TMEM132D: variants seen among roughly 807,000 people sequenced by gnomAD.
The protein encoded by TMEM132D is mature OL transmembrane protein.
In TMEM132D, 21 loss-of-function variants were observed where a neutral mutation model predicts 62.3. The ratio of observed to expected loss-of-function variants is 0.34; its 90% CI spans 0.24 to 0.49. The LOEUF is 0.49. TMEM132D is among the 20% of genes least tolerant of loss of function. The pLI, the probability that TMEM132D is intolerant of heterozygous loss-of-function variation, is 0.99. For missense variants in TMEM132D, 1,346 were observed against 1,402.8 expected (o/e 0.96, Z 0.65); for synonymous variants, 621 against 575.6 (o/e 1.08, Z -1.13).
rs148612154 is a variant in TMEM132D at position 129,591,224 on chromosome 12, T to C, written c.969-60019A>G. ...CAGATCAAAAGGGTAGCCAATGGCA[T>C]ATCCTCATCATGGCTTCCAAAGATT... On this transcript the variant is annotated intron_variant, in intron 2 of 8. Transcript: ENST00000422113. Among the ~76,000 whole-genome samples the C allele has an allele frequency of 1.8e-3, 275 of 152,314 alleles. 2 individuals are homozygous for C. Among genetic ancestry groups the C allele is most frequent in the African/African-American group, 6.4e-3 (267 of 41,574 alleles).
intron 1 of TMEM132D, among the ~76,000 whole-genome samples, chr12:129,724,643 C>G (rs1868964339): frequency 6.6e-6 from 1 of 152,196 alleles, no homozygotes; most frequent in African/African-American, 2.4e-5. Flanking sequence ...CTGCCTCAGC[C>G]TCCTGAGTAG....
chr12:129,404,417 G>A (rs905084244), intron 3 of TMEM132D, among the ~76,000 whole-genome samples: 5 of 152,224 alleles, frequency 3.3e-5, no homozygotes, highest in East Asian at 1.9e-4. Context: ...GGCTGGTCTC[G>A]AACTCCTGAC....
At chr12:129,858,540 G>T (rs375451515) in intron 1 of TMEM132D, among the ~76,000 whole-genome samples, 2 of 39,896 alleles carry the variant, frequency 5.0e-5, no homozygotes, top group African/African-American at 2.0e-4. Flanking sequence ...GGGTGCCCTT[G>T]TAACAGAGTC....
At chr12:129,755,495 G>T (rs1486859258) in intron 1 of TMEM132D, among the ~76,000 whole-genome samples, 2 of 152,180 alleles carry the variant, frequency 1.3e-5, no homozygotes, top group Non-Finnish European at 2.9e-5. Flanking sequence ...GGTCCTGGGA[G>T]TGGGAGCCCC....
At chr12:129,216,883 G>A (rs1359511306) in intron 4 of TMEM132D, among the ~76,000 whole-genome samples, 2 of 152,164 alleles carry the variant, frequency 1.3e-5, no homozygotes, top group African/African-American at 2.4e-5. Context: ...CTTAACTGAT[G>A]CAACCTGAAA....
At chr12:129,412,724 G>A (rs1255943751) in intron 3 of TMEM132D, among the ~76,000 whole-genome samples, 1 of 152,066 alleles carries the variant, frequency 6.6e-6, no homozygotes, top group African/African-American at 2.4e-5. Context: ...GTGGTGGTGG[G>A]CACCTATAAT....
intron 1 of TMEM132D, among the ~76,000 whole-genome samples, chr12:129,803,496 A>C (rs1835874799): frequency 6.6e-6 from 1 of 152,058 alleles, no homozygotes; most frequent in Non-Finnish European, 1.5e-5. Flanking sequence ...ACCAACGAGA[A>C]GAAAGACACA....
chr12:129,677,831 C>CTTTTTTTTTTTT (rs869098260), intron 2 of TMEM132D, among the ~76,000 whole-genome samples: 1 of 117,620 alleles, frequency 8.5e-6, no homozygotes. Flanking sequence ...GTGATTTTGT[C>CTTTTTTTTTTTT]TTTTTTTTTT....
At chr12:129,632,918 CTT>C (rs1879384242) in intron 2 of TMEM132D, among the ~76,000 whole-genome samples, 2 of 150,176 alleles carry the variant, frequency 1.3e-5, no homozygotes, top group South Asian at 2.1e-4. Context: ...GCAGTCCTCT[CTT>C]TGCTTTGACT....
intron 1 of TMEM132D, among the ~76,000 whole-genome samples, chr12:129,781,028 G>A (rs147194567): frequency 6.6e-6 from 1 of 152,326 alleles, no homozygotes; most frequent in Non-Finnish European, 1.5e-5. Flanking sequence ...CTTGAGCTCT[G>A]TGGGCTCAAA....
chr12:129,553,460 T>G (rs1876960095), intron 2 of TMEM132D, among the ~76,000 whole-genome samples: 1 of 152,188 alleles, frequency 6.6e-6, no homozygotes, highest in Admixed American at 6.5e-5. Flanking sequence ...CGTTGTCACT[T>G]GGAAACACTG....
intron 4 of TMEM132D, among the ~76,000 whole-genome samples, chr12:129,267,169 G>GT (rs138179372): frequency 0.016 from 2,400 of 151,814 alleles, 29 homozygotes; most frequent in Middle Eastern, 0.027. Context: ...CCTGTTGAGG[G>GT]TTTTTTTTCT....
chr12:129,134,116 TTGTG>T (rs141367054), intron 5 of TMEM132D, among the ~76,000 whole-genome samples: 9 of 144,388 alleles, frequency 6.2e-5, no homozygotes, highest in African/African-American at 1.6e-4. Context: ...TGTCTGTGTG[TTGTG>T]TGTGTGTGTG....
chr12:129,788,749 C>A (rs1160178742), intron 1 of TMEM132D, among the ~76,000 whole-genome samples: 1 of 152,130 alleles, frequency 6.6e-6, no homozygotes, highest in African/African-American at 2.4e-5. Flanking sequence ...GAACAAGACA[C>A]TGGTCTCTGC....
At chr12:129,765,747 T>C (rs1870530691) in intron 1 of TMEM132D, among the ~76,000 whole-genome samples, 1 of 152,224 alleles carries the variant, frequency 6.6e-6, no homozygotes, top group Non-Finnish European at 1.5e-5. Context: ...TTCTCTTTTG[T>C]CCTGGTTATA....
At chr12:129,505,338 G>T (rs1875297372) in intron 3 of TMEM132D, among the ~76,000 whole-genome samples, 3 of 151,958 alleles carry the variant, frequency 2.0e-5, no homozygotes, top group Admixed American at 2.0e-4. Flanking sequence ...CGCCTCCCGG[G>T]TTCATGCCAT....
At chr12:129,482,153 T>C (rs1874447303) in intron 3 of TMEM132D, among the ~76,000 whole-genome samples, 1 of 152,176 alleles carries the variant, frequency 6.6e-6, no homozygotes, top group Non-Finnish European at 1.5e-5. Context: ...CACACGGGCA[T>C]TCCCAGCTGA....
chr12:129,770,789 A>G (rs1330591299), intron 1 of TMEM132D, among the ~76,000 whole-genome samples: 2 of 152,218 alleles, frequency 1.3e-5, no homozygotes, highest in Non-Finnish European at 2.9e-5. Flanking sequence ...AGCTCATGAA[A>G]TGTATGGGAT....
At chr12:129,264,302 T>C (rs1880629385) in intron 4 of TMEM132D, among the ~76,000 whole-genome samples, 1 of 152,150 alleles carries the variant, frequency 6.6e-6, no homozygotes, top group Non-Finnish European at 1.5e-5. Context: ...TGCGGGAGGA[T>C]TGCTTGAGCC....
Sources: allele counts gnomAD v4.1 joint callset (sites outside exome capture counted in the v4.1 genomes callset), GRCh38; gene constraint gnomAD v4.1.1; transcripts MANE v1.5; gene names NCBI Gene and HGNC (gene_info 2026-07-23, HGNC 2026-07-21).